The following FSTL4 variants were observed in gnomAD, a reference collection of about 807,000 sequenced individuals.
The protein encoded by FSTL4 is follistatin like 4.
In FSTL4, 28 loss-of-function variants were observed where a neutral mutation model predicts 78.2. That is an observed-to-expected ratio of 0.36 (90% CI 0.27 to 0.49). FSTL4 has a LOEUF of 0.49. Among genes scored for constraint, FSTL4 ranks in the 20% least tolerant of loss-of-function variants. FSTL4 has a pLI of 0.98. For missense variants in FSTL4, 922 were observed against 1,084.9 expected (o/e 0.85, Z 2.11); for synonymous variants, 422 against 440.5 (o/e 0.96, Z 0.53).
At chr5:133,532,298 CA>C (rs1053170026) in intron 3 of FSTL4, among the ~76,000 whole-genome samples, 1 of 152,198 alleles carries the variant, frequency 6.6e-6, no homozygotes, top group African/African-American at 2.4e-5. Flanking sequence ...CCCCATAGGC[CA>C]ACTATTATAA....
At chr5:133,384,997 G>A (rs1755664741) in intron 4 of FSTL4, among the ~76,000 whole-genome samples, 1 of 152,100 alleles carries the variant, frequency 6.6e-6, no homozygotes, top group Non-Finnish European at 1.5e-5. Flanking sequence ...AGTCCAGATG[G>A]CACCCCCTTT....
rs770888742 is a variant in FSTL4 at position 133,233,565 on chromosome 5, C to G, written c.895-28G>C. ...GCACAGGGCAAAGATGACGATGAGA[C>G]TGGCCTCTTTATTGAACGGGCTGGA... On this transcript the variant is annotated intron_variant, in intron 7 of 15. Coordinates refer to ENST00000265342, the MANE Select transcript of FSTL4 (RefSeq NM_015082.2). 5 of 1,565,254 alleles carry G rather than the reference C, an allele frequency of 3.2e-6. No homozygotes were observed. In the East Asian group the frequency reaches 1.2e-4, roughly 38 times the overall value.
At chr5:133,497,880 G>A (rs1002128818) in intron 3 of FSTL4, among the ~76,000 whole-genome samples, 8 of 152,126 alleles carry the variant, frequency 5.3e-5, no homozygotes, top group Admixed American at 3.3e-4. Context: ...AAGGAAATTC[G>A]CATGAAAGAT....
the FSTL4 span, among the ~76,000 whole-genome samples, chr5:133,781,621 C>G: frequency 1.3e-5 from 2 of 152,166 alleles, no homozygotes; most frequent in Non-Finnish European, 2.9e-5. Flanking sequence ...CAAGTCAGAT[C>G]CCCTGAGGGG....
intron 1 of FSTL4, among the ~76,000 whole-genome samples, chr5:133,608,967 C>A (rs748469500): frequency 5.3e-5 from 8 of 152,116 alleles, no homozygotes; most frequent in Non-Finnish European, 1.2e-4. Flanking sequence ...GGGTTTAATA[C>A]AAACTTCTCT....
intron 12 of FSTL4, 39 bp from the exon 13 acceptor site, chr5:133,217,417 C>T (rs1247214179): frequency 1.9e-6 from 3 of 1,591,764 alleles, no homozygotes; most frequent in Non-Finnish European, 2.6e-6. Flanking sequence ...TTCTTAATTG[C>T]CCTTTCCCTC....
At position 133,245,987 on chromosome 5, in the gene FSTL4, G is replaced by T. The variant is rs577836954; in HGVS notation, c.894+3423C>A. The stretch of plus-strand genomic sequence containing the variant: ...AACAGATAAGACAAATTAATATTTT[G>T]TTGCTCACGAAAGCTTCTCATTAAG... On this transcript the variant is annotated intron_variant, in intron 7 of 15. Coordinates refer to ENST00000265342, the MANE Select transcript of FSTL4 (RefSeq NM_015082.2). 3.3e-5 allele frequency among the ~76,000 whole-genome samples: 5 copies of T among 152,282 alleles called. No individual in the cohort carries two copies. The South Asian group carries it at 1.0e-3, about 32-fold the overall frequency.
chr5:133,482,357 T>G (rs1758043801), intron 3 of FSTL4, among the ~76,000 whole-genome samples: 1 of 152,166 alleles, frequency 6.6e-6, no homozygotes, highest in African/African-American at 2.4e-5. Context: ...TACAAGCAAC[T>G]GAAACAATAG....
chr5:133,328,336 A>G (rs1754264990), intron 4 of FSTL4, among the ~76,000 whole-genome samples: 1 of 152,252 alleles, frequency 6.6e-6, no homozygotes. Flanking sequence ...ACATTTGCTT[A>G]TGAATGCCTG....
At chr5:133,730,466 C>G in the FSTL4 span, among the ~76,000 whole-genome samples, 1 of 152,152 alleles carries the variant, frequency 6.6e-6, no homozygotes, top group Admixed American at 6.5e-5. Context: ...TCTGAGGCCT[C>G]GGGTCCCACA....
intron 6 of FSTL4, among the ~76,000 whole-genome samples, chr5:133,299,570 G>A (rs939331263): frequency 1.3e-5 from 2 of 152,276 alleles, no homozygotes; most frequent in African/African-American, 4.8e-5. Context: ...TGGGTCTGGG[G>A]GCCCTGCTCA....
At chr5:133,278,522 T>C (rs1752938761) in intron 6 of FSTL4, among the ~76,000 whole-genome samples, 1 of 152,040 alleles carries the variant, frequency 6.6e-6, no homozygotes, top group South Asian at 2.1e-4. Context: ...CTCTCAGGAG[T>C]TGGGTGTGTC....
chr5:133,340,904 A>G (rs1366796985), intron 4 of FSTL4, among the ~76,000 whole-genome samples: 1 of 152,138 alleles, frequency 6.6e-6, no homozygotes, highest in Non-Finnish European at 1.5e-5. Context: ...TGCCCCCGAG[A>G]CAGCTAGAAG....
the FSTL4 span, among the ~76,000 whole-genome samples, chr5:133,736,111 G>A: frequency 6.6e-6 from 1 of 152,184 alleles, no homozygotes; most frequent in Non-Finnish European, 1.5e-5. Flanking sequence ...GCAGGGCCTT[G>A]CAGACCATGC....
At chr5:133,727,792 T>G in the FSTL4 span, among the ~76,000 whole-genome samples, 1 of 152,146 alleles carries the variant, frequency 6.6e-6, no homozygotes, top group African/African-American at 2.4e-5. Context: ...TGGAACACAG[T>G]GCCATGAAGA....
At chr5:133,810,979 T>C in the FSTL4 span, among the ~76,000 whole-genome samples, 1 of 152,230 alleles carries the variant, frequency 6.6e-6, no homozygotes, top group Non-Finnish European at 1.5e-5. Flanking sequence ...AAGAAAATTA[T>C]TTGGGGGCTG....
chr5:133,448,638 A>G lies in FSTL4; in HGVS notation c.161-47652T>C, dbSNP rs1033938044. On this transcript the variant is annotated intron_variant, in intron 3 of 15. Transcript: ENST00000265342. ...CTCACCATGACACCATTGGGAACAC[A>G]CTAACGTCCCCACTCTCGAGACAGA... Among the ~76,000 whole-genome samples the G allele has an allele frequency of 4.7e-5, 7 of 149,814 alleles. No homozygotes were observed. The East Asian group carries it at 1.4e-3, about 30-fold the overall frequency.
At chr5:133,414,976 A>T (rs1756548398) in intron 3 of FSTL4, among the ~76,000 whole-genome samples, 1 of 152,268 alleles carries the variant, frequency 6.6e-6, no homozygotes, top group Non-Finnish European at 1.5e-5. Context: ...TTTGTTACCA[A>T]TAACCTATGC....
chr5:133,352,754 C>T (rs1310071264), intron 4 of FSTL4, among the ~76,000 whole-genome samples: 1 of 152,172 alleles, frequency 6.6e-6, no homozygotes, highest in Non-Finnish European at 1.5e-5. Context: ...CCTCCAGCTG[C>T]ATCCATGTTG....
Sources: gnomAD v4.1 joint callset for allele counts (sites outside exome capture counted in the v4.1 genomes callset) on GRCh38, gnomAD v4.1.1 for gene constraint, MANE v1.5 for transcripts, NCBI Gene and HGNC (gene_info 2026-07-23, HGNC 2026-07-21) for gene names.